The following MARCHF1 variants were observed in gnomAD, a reference collection of about 807,000 sequenced individuals.
MARCHF1 encodes membrane associated ring-CH-type finger 1, also known as E3 ubiquitin-protein ligase MARCHF1.
MARCHF1 carries 40 observed loss-of-function variants against 54.2 expected under a neutral mutation model. The observed-to-expected ratio is 0.74, with a 90% CI of 0.57 to 0.96. The LOEUF (loss-of-function observed/expected upper bound fraction) is 0.96. Ranked by LOEUF, MARCHF1 falls within the 40% of genes least tolerant of loss-of-function variation. The probability of loss-of-function intolerance (pLI) is 0.00; values close to 1 mark genes in which losing one functional copy is unlikely to be tolerated. For missense variants in MARCHF1, 586 were observed against 656.5 expected, an observed-to-expected ratio of 0.89 and a Z score of 1.17; for synonymous variants, 236 against 236.3, an observed-to-expected ratio of 1.00 and a Z score of 0.01.
At chr4:163,795,881 T>G (rs1269674584) in intron 4 of MARCHF1, among the ~76,000 whole-genome samples, 1 of 152,172 alleles carries the variant, frequency 6.6e-6, no homozygotes, top group Non-Finnish European at 1.5e-5. Flanking sequence ...GATTAAGACA[T>G]ATTTTGCACA....
intron 1 of MARCHF1, among the ~76,000 whole-genome samples, chr4:164,339,529 A>G (rs1255354641): frequency 6.6e-6 from 1 of 152,188 alleles, no homozygotes; most frequent in Non-Finnish European, 1.5e-5. Context: ...GGCAAAAAAA[A>G]TTTAAAACAA....
intron 1 of MARCHF1, among the ~76,000 whole-genome samples, chr4:164,160,335 G>A (rs1373073532): frequency 2.0e-5 from 3 of 152,084 alleles, no homozygotes; most frequent in Non-Finnish European, 4.4e-5. Context: ...TGTATAGCAT[G>A]TGACTCTACT....
chr4:164,187,794 A>G (rs1731011325), intron 1 of MARCHF1, among the ~76,000 whole-genome samples: 1 of 152,236 alleles, frequency 6.6e-6, no homozygotes, highest in Non-Finnish European at 1.5e-5. Flanking sequence ...ATGTAATGAT[A>G]GGAATTATAT....
chr4:164,165,759 GATGACCTTAAATT>G (rs913285290), intron 1 of MARCHF1, among the ~76,000 whole-genome samples: 10 of 152,028 alleles, frequency 6.6e-5, no homozygotes, highest in African/African-American at 2.4e-4. Context: ...TGAACTTGCT[GATGACCTTAAATT>G]CTGCTTCCAT....
Position 163,700,870 on chromosome 4 carries a change from A to T in MARCHF1, c.112-7T>A. ...GCCCTGGGGATTTTTCATTCTGAAA[A>T]ATAAAATGGGAAACATTAATTAAAA... On this transcript the variant is annotated splice_region_variant and splice_polypyrimidine_tract_variant and intron_variant, in intron 4 of 9. Coordinates refer to ENST00000514618, the MANE Select transcript of MARCHF1 (RefSeq NM_001394959.1). The T allele has an allele frequency of 5.2e-6, 8 of 1,532,968 alleles. No homozygotes were observed. The highest frequency in any genetic ancestry group is 1.4e-5 in the African/African-American group (1 of 73,056). 95.0% of individuals were successfully genotyped at this position (1,532,968 alleles called of 1,614,324 possible).
At chr4:163,560,029 G>A (rs202065774) in intron 8 of MARCHF1, among the ~76,000 whole-genome samples, 1 of 152,082 alleles carries the variant, frequency 6.6e-6, no homozygotes, top group African/African-American at 2.4e-5. Context: ...TATATGGCTT[G>A]TCAATTTATC....
At chr4:163,612,101 A>C (rs2110927844) in intron 7 of MARCHF1, among the ~76,000 whole-genome samples, 170 bp downstream of exon 7, 1 of 152,244 alleles carries the variant, frequency 6.6e-6, no homozygotes, top group Non-Finnish European at 1.5e-5. Context: ...ACCCATGTTT[A>C]CATCTGCATT....
chr4:164,232,498 T>C (rs2321373), intron 1 of MARCHF1, among the ~76,000 whole-genome samples: 141,941 of 152,160 alleles, frequency 0.93, 66,243 homozygotes, highest in African/African-American at 0.96. Flanking sequence ...TAGCCAAAAA[T>C]GCAAATCCCT....
intron 5 of MARCHF1, among the ~76,000 whole-genome samples, chr4:163,642,292 T>C (rs1322295449): frequency 6.6e-6 from 1 of 152,218 alleles, no homozygotes; most frequent in Non-Finnish European, 1.5e-5. Flanking sequence ...CTTTTTTTTC[T>C]TTTAATAAAG....
Position 163,813,732 on chromosome 4 carries a change from T to TA in MARCHF1, c.111+40288dup, listed in dbSNP as rs1468146362. On this transcript the variant is annotated intron_variant, in intron 4 of 9. Coordinates refer to ENST00000514618, the MANE Select transcript of MARCHF1 (RefSeq NM_001394959.1). ...CTAGACACCAGTAAGTAATATAGTTTAAAAAAACATTTCTAGCATGACTCT... is the reference window on the plus strand; with the variant it reads ...CTAGACACCAGTAAGTAATATAGTTTAAAAAAAACATTTCTAGCATGACTCT... 3.3e-5 allele frequency among the ~76,000 whole-genome samples: 5 copies of TA among 152,276 alleles called. No homozygotes were observed. The South Asian group carries it at 1.0e-3, about 32-fold the overall frequency.
intron 1 of MARCHF1, among the ~76,000 whole-genome samples, chr4:164,274,037 A>G (rs1733808532): frequency 6.7e-6 from 1 of 149,940 alleles, no homozygotes; most frequent in African/African-American, 2.5e-5. Context: ...CAAAATCACT[A>G]TTTTTTTTTT....
chr4:163,943,063 T>C (rs1751948330), intron 3 of MARCHF1, among the ~76,000 whole-genome samples: 1 of 152,226 alleles, frequency 6.6e-6, no homozygotes, highest in Non-Finnish European at 1.5e-5. Context: ...TGTAAATTGG[T>C]TTAAGTTCCT....
intron 3 of MARCHF1, among the ~76,000 whole-genome samples, chr4:163,909,376 C>T: frequency 6.6e-6 from 1 of 152,122 alleles, no homozygotes; most frequent in Non-Finnish European, 1.5e-5. Context: ...CATTGCAAGC[C>T]CATAAATTGT....
intron 1 of MARCHF1, among the ~76,000 whole-genome samples, chr4:164,144,468 G>A (rs1289817566): frequency 4.0e-5 from 6 of 150,630 alleles, no homozygotes; most frequent in Non-Finnish European, 5.9e-5. Flanking sequence ...TATAACAAAC[G>A]ATCTCTCAGA....
chr4:164,217,227 A>C (rs1731958659), intron 1 of MARCHF1, among the ~76,000 whole-genome samples: 1 of 152,174 alleles, frequency 6.6e-6, no homozygotes, highest in Admixed American at 6.5e-5. Context: ...AGACATTTTC[A>C]TTCAGCCAGA....
At chr4:163,554,144 T>C (rs1739206253) in intron 8 of MARCHF1, among the ~76,000 whole-genome samples, 1 of 152,202 alleles carries the variant, frequency 6.6e-6, no homozygotes, top group Non-Finnish European at 1.5e-5. Context: ...ATGCAACTTA[T>C]AAATCCAAGC....
At chr4:163,695,846 T>C (rs942517727) in intron 5 of MARCHF1, among the ~76,000 whole-genome samples, 17 of 152,152 alleles carry the variant, frequency 1.1e-4, no homozygotes, top group African/African-American at 3.4e-4. Context: ...AAAGGCAAGA[T>C]TTGGCTGACT....
chr4:163,600,119 A>T (rs1740911313), intron 7 of MARCHF1, among the ~76,000 whole-genome samples: 1 of 151,978 alleles, frequency 6.6e-6, no homozygotes, highest in Non-Finnish European at 1.5e-5. Flanking sequence ...TTCCATATAT[A>T]TTTTTGCTGT....
chr4:163,605,440 G>A (rs189981369), intron 7 of MARCHF1, among the ~76,000 whole-genome samples: 166 of 152,244 alleles, frequency 1.1e-3, no homozygotes, highest in African/African-American at 3.5e-3. Flanking sequence ...AAATAGGAAC[G>A]CTTTTACACT....
Sources: allele counts gnomAD v4.1 joint callset (sites outside exome capture counted in the v4.1 genomes callset), GRCh38; gene constraint gnomAD v4.1.1; transcripts MANE v1.5; gene names NCBI Gene and HGNC (gene_info 2026-07-23, HGNC 2026-07-21).